AGBL4: variants seen among roughly 807,000 people sequenced by gnomAD.
AGBL4 encodes the protein AGBL carboxypeptidase 4, also known as cytosolic carboxypeptidase 6.
In AGBL4, 58 loss-of-function variants were observed where a neutral mutation model predicts 66.4. The ratio of observed to expected loss-of-function variants is 0.87; its 90% CI spans 0.71 to 1.09. The LOEUF (loss-of-function observed/expected upper bound fraction) is 1.09, where lower values mean the gene tolerates loss of function less well. Ranked by LOEUF, AGBL4 falls within the 50% of genes least tolerant of loss-of-function variation. The probability of loss-of-function intolerance (pLI) is 0.00; values close to 1 mark genes in which losing one functional copy is unlikely to be tolerated. For missense variants in AGBL4, 579 were observed against 631.0 expected (o/e 0.92, Z 0.88); for synonymous variants, 234 against 222.9 (o/e 1.05, Z -0.44).
rs577835471 is a variant in AGBL4 at position 49,239,032 on chromosome 1, T to C, written c.377+6738A>G. Among the ~76,000 whole-genome samples the C allele has an allele frequency of 3.3e-4, 50 of 152,334 alleles. No homozygotes were observed. In the South Asian group the frequency reaches 0.01, roughly 32 times the overall value. ...CTCTAGAAATAGAGGGAAGTATGTC[T>C]ACTCCATCATGTCCCGGAACCAGAC... is the stretch of plus-strand genomic sequence containing the variant. On this transcript the variant is annotated intron_variant, in intron 4 of 13. Transcript: ENST00000371839.
chr1:49,617,838 GGTTTT>G (rs200916740), intron 3 of AGBL4, among the ~76,000 whole-genome samples: 11 of 152,072 alleles, frequency 7.2e-5, no homozygotes, highest in South Asian at 4.1e-4. Flanking sequence ...CCAAGGTTTC[GGTTTT>G]GTTTTGTTTT....
intron 3 of AGBL4, chr1:49,423,152 G>T (rs1177722801): frequency 6.6e-6 from 1 of 152,186 alleles, no homozygotes; most frequent in Non-Finnish European, 1.5e-5. Context: ...TAGAAGAGAA[G>T]TAAATTTTTA....
At chr1:48,678,893 C>T (rs993093135) in intron 6 of AGBL4, among the ~76,000 whole-genome samples, 2 of 152,212 alleles carry the variant, frequency 1.3e-5, no homozygotes, top group African/African-American at 2.4e-5. Flanking sequence ...GGTTTATTAA[C>T]ACACATTTCC....
chr1:48,912,592 A>G (rs1570984961), intron 5 of AGBL4, among the ~76,000 whole-genome samples: 1 of 152,110 alleles, frequency 6.6e-6, no homozygotes, highest in Non-Finnish European at 1.5e-5. Context: ...CCCACTGCCA[A>G]TGGACTGTAT....
chr1:48,742,640 T>C, intron 6 of AGBL4: 1 of 1,600,306 alleles, frequency 6.2e-7, no homozygotes, highest in Non-Finnish European at 8.5e-7. Flanking sequence ...TTGTCTAGGA[T>C]ATACTTGTCC....
intron 8 of AGBL4, among the ~76,000 whole-genome samples, 155 bp downstream of exon 8, chr1:48,653,182 T>A (rs1421392738): frequency 6.6e-6 from 1 of 152,146 alleles, no homozygotes; most frequent in African/African-American, 2.4e-5. Flanking sequence ...CAAAGCTAAT[T>A]AAAGAAATTC....
At chr1:48,977,837 A>T (rs771257633) in intron 5 of AGBL4, among the ~76,000 whole-genome samples, 12 of 152,182 alleles carry the variant, frequency 7.9e-5, no homozygotes, top group Non-Finnish European at 1.6e-4. Flanking sequence ...TTTTTAGTGC[A>T]TCTGTGCCCA....
chr1:49,254,105 A>G (rs1652286682), intron 3 of AGBL4, among the ~76,000 whole-genome samples: 1 of 152,222 alleles, frequency 6.6e-6, no homozygotes, highest in African/African-American at 2.4e-5. Flanking sequence ...GAAAATCGGC[A>G]GAAGACAAGG....
In AGBL4 at chr1:48,731,272, TA is replaced by T. The variant is rs74636032; in HGVS notation, c.635-68032del. Among the ~76,000 whole-genome samples the T allele has an allele frequency of 7.0e-3, 1,019 of 145,666 alleles. 7 individuals carry two copies. The highest frequency in any genetic ancestry group is 0.019 in the African/African-American group (760 of 40,174). The stretch of plus-strand genomic sequence containing the variant: ...AGATGTCAAACCTGCCTGTCTTTAG[TA>T]AAAAAAAAAAATCAACATTATATTT... On this transcript the variant is annotated intron_variant, in intron 6 of 13. Coordinates refer to ENST00000371839, the MANE Select transcript of AGBL4 (RefSeq NM_032785.4).
At chr1:49,876,725 T>C (rs1454768323) in intron 1 of AGBL4, among the ~76,000 whole-genome samples, 2 of 88,438 alleles carry the variant, frequency 2.3e-5, no homozygotes, top group South Asian at 4.8e-4. Context: ...GGGGATGGCA[T>C]TGAATCTGTA....
intron 5 of AGBL4, among the ~76,000 whole-genome samples, chr1:48,901,440 T>A (rs1046430860): frequency 2.0e-5 from 3 of 152,302 alleles, no homozygotes; most frequent in African/African-American, 7.2e-5. Flanking sequence ...GCTTTATTCA[T>A]AATAGTCAAA....
intron 5 of AGBL4, among the ~76,000 whole-genome samples, chr1:49,002,115 C>T (rs905775609): frequency 1.3e-5 from 2 of 152,166 alleles, no homozygotes; most frequent in African/African-American, 4.8e-5. Flanking sequence ...AGCAAGAAGA[C>T]AGACATGGTA....
chr1:48,809,459 A>G (rs1323002503), intron 6 of AGBL4, among the ~76,000 whole-genome samples: 1 of 152,212 alleles, frequency 6.6e-6, no homozygotes, highest in Non-Finnish European at 1.5e-5. Flanking sequence ...AGAAACAGGA[A>G]GCCTCACAGG....
At chr1:49,180,343 A>G (rs1460722544) in intron 4 of AGBL4, among the ~76,000 whole-genome samples, 2 of 152,244 alleles carry the variant, frequency 1.3e-5, no homozygotes, top group Non-Finnish European at 2.9e-5. Context: ...TACTAAATAA[A>G]TATTAGGTAT....
At chr1:48,779,871 G>A (rs866634857) in intron 6 of AGBL4, among the ~76,000 whole-genome samples, 10 of 151,894 alleles carry the variant, frequency 6.6e-5, no homozygotes, top group Middle Eastern at 3.4e-3. Context: ...TCGCCACCAC[G>A]CCTGGCTAAT....
rs1436066950 is a variant in AGBL4 at position 49,300,522 on chromosome 1, G to A, written c.283-54658C>T. Among the ~76,000 whole-genome samples the A allele has an allele frequency of 6.6e-5, 10 of 152,070 alleles. No homozygotes were observed. The South Asian group carries it at 1.0e-3, about 16-fold the overall frequency. ...AGGGGTGTTTTTCTGCTTTTATAGC[G>A]GTTCCCTGAACAGGAGACCCACAGG... On this transcript the variant is annotated intron_variant, in intron 3 of 13. Transcript: ENST00000371839.
intron 7 of AGBL4, among the ~76,000 whole-genome samples, chr1:48,655,341 G>T (rs138681139): frequency 2.0e-5 from 3 of 152,060 alleles, no homozygotes; most frequent in African/African-American, 7.2e-5. Context: ...TTTTCTTTGT[G>T]GTGAGAGAGG....
intron 3 of AGBL4, among the ~76,000 whole-genome samples, chr1:49,640,239 A>G (rs1035283576): frequency 2.6e-5 from 4 of 152,204 alleles, no homozygotes; most frequent in Non-Finnish European, 5.9e-5. Flanking sequence ...GTTAAGATTC[A>G]GGTGTTATAC....
intron 3 of AGBL4, among the ~76,000 whole-genome samples, chr1:49,277,856 A>G (rs1437167036): frequency 1.3e-5 from 2 of 152,124 alleles, no homozygotes; most frequent in African/African-American, 4.8e-5. Context: ...GTTTGTTTCC[A>G]GAATCCACTG....
Sources: allele counts gnomAD v4.1 joint callset (sites outside exome capture counted in the v4.1 genomes callset), GRCh38; gene constraint gnomAD v4.1.1; transcripts MANE v1.5; gene names NCBI Gene and HGNC (gene_info 2026-07-23, HGNC 2026-07-21).